The following NCOR1 variants were observed in gnomAD, a reference collection of about 807,000 sequenced individuals.
NCOR1 encodes the protein protein phosphatase 1, regulatory subunit 109.
NCOR1 carries 63 observed loss-of-function variants against 288.1 expected under a neutral mutation model. That is an observed-to-expected ratio of 0.22 (90% confidence interval 0.18 to 0.27). NCOR1 has a LOEUF of 0.27. Among genes scored for constraint, NCOR1 ranks in the 10% least tolerant of loss-of-function variants. NCOR1 has a pLI of 1.00. For synonymous variants in NCOR1, 1,007 were observed against 1,065.9 expected (o/e 0.94, Z 1.08); for missense variants, 2,397 against 3,019.2 (o/e 0.79, Z 4.83).
chr17:16,058,005 G>A lies in NCOR1; in HGVS notation c.6070C>T (p.Pro2024Ser), dbSNP rs2152555887. ...GGGGGCAGCTGTTGTTGGGGAGATG[G>A]TGATTCCTGCTGTGGTCGATAGTGA... ...LHHYRPQQES[P>S]SPQQQLPPSS... is the part of the protein sequence containing the mutation. The change falls in exon 39 of 46, where the codon CCA (proline) becomes TCA (serine). Residue 2024 changes from proline to serine, a missense_variant. Around this residue, in one of 11 missense-constraint regions of NCOR1, gnomAD observed 1,872 missense variants for 2,187.8 expected, o/e 0.86. Coordinates refer to ENST00000268712, the MANE Select transcript of NCOR1 (RefSeq NM_006311.4). 1 of 1,614,150 alleles carries A rather than the reference G, an allele frequency of 6.2e-7. No homozygotes were observed.
chr17:16,138,854 G>T (rs2076791983), intron 12 of NCOR1, among the ~76,000 whole-genome samples, 154 bp downstream of exon 12: 2 of 152,094 alleles, frequency 1.3e-5, no homozygotes, highest in African/African-American at 4.8e-5. Context: ...AAACTTACAG[G>T]AAGATCAATA....
At chr17:16,184,050 C>T (rs755436312) in intron 3 of NCOR1, among the ~76,000 whole-genome samples, 1 of 152,112 alleles carries the variant, frequency 6.6e-6, no homozygotes, top group Admixed American at 6.6e-5. Context: ...AAATTAGACC[C>T]TTGTTTTACA....
At chr17:16,071,108 C>G (rs141442379) in intron 30 of NCOR1, among the ~76,000 whole-genome samples, 1 of 151,920 alleles carries the variant, frequency 6.6e-6, no homozygotes, top group African/African-American at 2.4e-5. Context: ...TGGCAAAGCC[C>G]TGTCTCTATA....
Position 16,136,685 on chromosome 17 carries a change from T to C in NCOR1, c.1509+626A>G, listed in dbSNP as rs935189588. 2.0e-5 allele frequency among the ~76,000 whole-genome samples: 3 copies of C among 151,414 alleles called. No homozygotes were observed. In the South Asian group the frequency reaches 6.2e-4, roughly 32 times the overall value. ...AGCCGGGCGTGGTGGCAGGCGCCTG[T>C]AGTCCCAGCTACTCAGGAGGCTGAG... On this transcript the variant is annotated intron_variant, in intron 14 of 45. Coordinates refer to ENST00000268712, the MANE Select transcript of NCOR1 (RefSeq NM_006311.4).
intron 18 of NCOR1, among the ~76,000 whole-genome samples, chr17:16,109,176 T>C (rs918989866): frequency 1.1e-4 from 16 of 152,116 alleles, no homozygotes; most frequent in Non-Finnish European, 2.2e-4. Context: ...TATACATGTA[T>C]AAAAAGCCAA....
At chr17:16,211,514 T>C (rs1025320592) in intron 1 of NCOR1, among the ~76,000 whole-genome samples, 1 of 152,194 alleles carries the variant, frequency 6.6e-6, no homozygotes, top group Non-Finnish European at 1.5e-5. Flanking sequence ...ATTATAGGCA[T>C]GAGCCACTGT....
Position 16,086,401 on chromosome 17 carries a change from C to T in NCOR1, c.3058G>A (p.Glu1020Lys). 1 of 1,614,076 alleles carries T rather than the reference C, an allele frequency of 6.2e-7. No individual in the cohort carries two copies. Among genetic ancestry groups the T allele is most frequent in the East Asian group, 2.2e-5 (1 of 44,878 alleles). ...CGAGTTGTCGGAAGCCGAACGCCTTCAGGGAGATTAGTTATCACTTGATGT... is the reference window on the plus strand; with the variant it reads ...CGAGTTGTCGGAAGCCGAACGCCTTTAGGGAGATTAGTTATCACTTGATGT... ...APHQVITNLPEGVRLPTTRPT... is the reference protein window; with the variant it reads ...APHQVITNLPKGVRLPTTRPT... The change falls in exon 23 of 46, where the codon GAA (glutamate) becomes AAA (lysine). Residue 1020 changes from glutamate to lysine, a missense_variant. Physicochemically the swap from Glu to Lys is moderately conservative, Grantham distance 56. This residue lies in a region of NCOR1 where 1,872 missense variants were observed against 2,187.8 expected (regional missense o/e 0.86). Transcript: ENST00000268712.
At chr17:16,180,575 C>T (rs572044094) in intron 3 of NCOR1, among the ~76,000 whole-genome samples, 1 of 151,520 alleles carries the variant, frequency 6.6e-6, no homozygotes, top group Admixed American at 6.6e-5. Flanking sequence ...TAGTGAGACC[C>T]TATCTCTACA....
At chr17:16,210,292 G>A (rs1338735795) in intron 1 of NCOR1, among the ~76,000 whole-genome samples, 4 of 152,132 alleles carry the variant, frequency 2.6e-5, no homozygotes, top group Non-Finnish European at 4.4e-5. Context: ...GCTGACGCAG[G>A]AGAATTGCTT....
At chr17:16,188,528 G>A (rs150967518) in intron 2 of NCOR1, among the ~76,000 whole-genome samples, 220 of 151,140 alleles carry the variant, frequency 1.5e-3, no homozygotes, top group African/African-American at 5.1e-3. Flanking sequence ...GGAGAATCAC[G>A]TGAACCCAGG....
chr17:16,058,102 T>G, intron 38 of NCOR1, 38 bp from the exon 39 acceptor site: 2 of 1,599,558 alleles, frequency 1.3e-6, no homozygotes, highest in Non-Finnish European at 1.7e-6. Context: ...TCCAGGAATG[T>G]CTGTGCTTTT....
intron 44 of NCOR1, 96 bp from the exon 45 acceptor site, chr17:16,035,040 G>T: frequency 2.6e-6 from 3 of 1,173,442 alleles, no homozygotes; most frequent in Non-Finnish European, 2.4e-6. Flanking sequence ...AAAAAAAGCA[G>T]AATGGTAACA....
chr17:16,188,545 A>G (rs932805248), intron 2 of NCOR1, among the ~76,000 whole-genome samples: 4 of 151,748 alleles, frequency 2.6e-5, no homozygotes, highest in Non-Finnish European at 4.4e-5. Context: ...CAGGAGGGGG[A>G]GGGTGCAGTG....
At chr17:16,040,749 G>A (rs2057409590) in intron 42 of NCOR1, 2 of 496,846 alleles carry the variant, frequency 4.0e-6, no homozygotes, top group African/African-American at 2.0e-5. Flanking sequence ...AGAGCAATAA[G>A]CTGTGTGCAG....
chr17:16,150,759 C>T (rs1035252353), intron 8 of NCOR1, among the ~76,000 whole-genome samples: 3 of 151,596 alleles, frequency 2.0e-5, no homozygotes, highest in Non-Finnish European at 4.4e-5. Flanking sequence ...CTCTTCTACT[C>T]TTTAAAAATG....
At chr17:16,084,502 A>T (rs2063907105) in intron 23 of NCOR1, 1 of 152,280 alleles carries the variant, frequency 6.6e-6, no homozygotes, top group South Asian at 2.1e-4. Flanking sequence ...TGCAAAAGAC[A>T]TCAAATAGTC....
intron 3 of NCOR1, among the ~76,000 whole-genome samples, chr17:16,184,005 G>A (rs926526942): frequency 4.6e-5 from 7 of 152,136 alleles, no homozygotes; most frequent in African/African-American, 1.7e-4. Context: ...CTTCAATAAT[G>A]CTGGGAAAAC....
intron 3 of NCOR1, among the ~76,000 whole-genome samples, chr17:16,175,861 A>G (rs900381270): frequency 1.3e-5 from 2 of 150,062 alleles, no homozygotes. Flanking sequence ...AGATGGGTTT[A>G]TGGCTAACTA....
chr17:16,102,195 A>C (rs570554656), intron 19 of NCOR1, among the ~76,000 whole-genome samples: 1 of 152,240 alleles, frequency 6.6e-6, no homozygotes, highest in Non-Finnish European at 1.5e-5. Context: ...ATAGACATAT[A>C]ATGTAATCAC....
Sources: allele counts gnomAD v4.1 joint callset (sites outside exome capture counted in the v4.1 genomes callset), GRCh38; gene constraint gnomAD v4.1.1; regional missense constraint gnomAD v4.1.1; transcripts MANE v1.5; gene names NCBI Gene and HGNC (gene_info 2026-07-23, HGNC 2026-07-21).